ZFAND2A: variants seen among roughly 807,000 people sequenced by gnomAD.
The protein encoded by ZFAND2A is zinc finger AN1-type containing 2A.
In ZFAND2A, 20 loss-of-function variants were observed where a neutral mutation model predicts 11.6. The ratio of observed to expected loss-of-function variants is 1.72; its 90% CI spans 1.21 to 2.50. The LOEUF (loss-of-function observed/expected upper bound fraction) is 2.50, where lower values mean the gene tolerates loss of function less well. Ranked by LOEUF, ZFAND2A falls within the 30% of genes most tolerant of loss-of-function variation. The pLI is 0.00. For missense variants in ZFAND2A, 234 were observed against 182.9 expected (o/e 1.28, Z -1.61); for synonymous variants, 93 against 60.6 (o/e 1.54, Z -2.48).
chr7:1,154,062 G>A (rs1160617449), intron 4 of ZFAND2A, among the ~76,000 whole-genome samples: 1 of 152,160 alleles, frequency 6.6e-6, no homozygotes, highest in East Asian at 1.9e-4. Flanking sequence ...GGAGCGGGAG[G>A]GAAGGAGGCC....
chr7:1,158,683 G>A (rs1017112580), intron 1 of ZFAND2A, among the ~76,000 whole-genome samples: 7 of 145,512 alleles, frequency 4.8e-5, no homozygotes, highest in Non-Finnish European at 7.8e-5. Context: ...TCTGTCCCTC[G>A]CCTCTCTCTT....
At position 1,152,946 on chromosome 7, in the gene ZFAND2A, T is replaced by C; in HGVS notation, c.*123A>G. 7.4e-7 allele frequency: 1 copy of C among 1,350,704 alleles called. No individual in the cohort carries two copies. The highest frequency in any genetic ancestry group is 1.0e-6 in the Non-Finnish European group (1 of 962,470). The allele number at this position is 1,350,704 out of a possible 1,614,324, so 83.7% of individuals were successfully genotyped here. A position where few individuals can be genotyped will look rare whatever the true frequency, so the allele number is the denominator to read the frequency against. On this transcript the variant is annotated 3_prime_UTR_variant, in exon 5 of 5. Transcript: ENST00000316495. ...CAATTTTATTATAGTCCCATCTCCCTCAACAAACAAGATCAGCAGCCAGTG... is the reference window on the plus strand; with the variant it reads ...CAATTTTATTATAGTCCCATCTCCCCCAACAAACAAGATCAGCAGCCAGTG...
At chr7:1,159,430 G>A (rs969281438) in intron 1 of ZFAND2A, among the ~76,000 whole-genome samples, 10 of 152,158 alleles carry the variant, frequency 6.6e-5, no homozygotes, top group Admixed American at 5.9e-4. Context: ...CCGATGGCAG[G>A]CCCGGCCCCC....
downstream of ZFAND2A, among the ~76,000 whole-genome samples, chr7:1,152,656 G>C (rs1379489027): frequency 3.9e-5 from 6 of 152,236 alleles, no homozygotes; most frequent in South Asian, 1.2e-3. Flanking sequence ...TACAAAAAGG[G>C]GAAGTCGGGA....
At chr7:1,152,440 C>A, downstream of ZFAND2A, 1 of 1,397,494 alleles carries the variant, frequency 7.2e-7, no homozygotes, top group South Asian at 1.6e-5. Context: ...CTGGCCTGGC[C>A]CAGGGATGGA....
In ZFAND2A at chr7:1,158,270, C is replaced by A; in HGVS notation, c.-45-13G>T. On this transcript the variant is annotated splice_polypyrimidine_tract_variant and intron_variant, in intron 1 of 4. Transcript: ENST00000316495. ...AGTTAAGTGTCACCTACAAGAGAAT[C>A]AGAATAGTTAGGAGGAAAGCTGGAC... is the stretch of plus-strand genomic sequence containing the variant. 1 of 1,530,850 alleles carries A rather than the reference C, an allele frequency of 6.5e-7. No homozygotes were observed. Among genetic ancestry groups the A allele is most frequent in the South Asian group, 1.1e-5 (1 of 88,130 alleles). The allele number at this position is 1,530,850 out of a possible 1,614,324, so 94.8% of individuals were successfully genotyped here.
In ZFAND2A at chr7:1,160,186, G is replaced by C. The variant is rs865817396; in HGVS notation, c.-268C>G. ...TCCGCAGCCCCCGGATCTGAGAGCC[G>C]TCTGGGCCTTGGGGTTTCCGGGCGC... On this transcript the variant is annotated 5_prime_UTR_variant, in exon 1 of 5. Coordinates refer to ENST00000316495, the MANE Select transcript of ZFAND2A (RefSeq NM_182491.4). The C allele has an allele frequency of 6.6e-6, 1 of 152,228 alleles. No homozygotes were observed. The highest frequency in any genetic ancestry group is 1.5e-5 in the Non-Finnish European group (1 of 68,058). 9.4% of individuals were successfully genotyped at this position (152,228 alleles called of 1,614,324 possible). A position where few individuals can be genotyped will look rare whatever the true frequency, so the allele number is the denominator to read the frequency against.
chr7:1,155,337 T>C, intron 4 of ZFAND2A, 116 bp downstream of exon 4: 2 of 1,455,452 alleles, frequency 1.4e-6, no homozygotes, highest in East Asian at 4.8e-5. Context: ...GTTAGGACTC[T>C]TCTTTTCTAC....
downstream of ZFAND2A, among the ~76,000 whole-genome samples, chr7:1,149,887 C>T (rs1255074980): frequency 2.0e-5 from 3 of 146,826 alleles, no homozygotes; most frequent in Non-Finnish European, 4.5e-5. Context: ...GAGTCTTGCT[C>T]TATCACCCAG....
chr7:1,153,264 T>C, intron 4 of ZFAND2A, 40 bp from the exon 5 acceptor site: 4 of 1,599,236 alleles, frequency 2.5e-6, no homozygotes, highest in Non-Finnish European at 3.4e-6. Flanking sequence ...ATTCTTTTTT[T>C]GGAGACAGGG....
intron 3 of ZFAND2A, among the ~76,000 whole-genome samples, chr7:1,156,021 A>G (rs948899151): frequency 6.6e-6 from 1 of 152,236 alleles, no homozygotes; most frequent in Non-Finnish European, 1.5e-5. Context: ...TTGCGCCCAG[A>G]TGAGGCCACG....
At chr7:1,154,218 G>A (rs1366354070) in intron 4 of ZFAND2A, among the ~76,000 whole-genome samples, 2 of 149,502 alleles carry the variant, frequency 1.3e-5, no homozygotes, top group African/African-American at 2.5e-5. Flanking sequence ...CCAGGATGTA[G>A]GCAGCGATAT....
intron 3 of ZFAND2A, 54 bp downstream of exon 3, chr7:1,157,602 C>G: frequency 6.6e-7 from 1 of 1,508,486 alleles, no homozygotes; most frequent in Non-Finnish European, 9.0e-7. Flanking sequence ...ACCAGCAAGA[C>G]AGTGCAGCTT....
In ZFAND2A at chr7:1,153,057, C is replaced by A. The variant is rs200842466; in HGVS notation, c.*12G>T. 6.2e-7 allele frequency: 1 copy of A among 1,613,994 alleles called. No individual in the cohort carries two copies. The highest frequency in any genetic ancestry group is 8.5e-7 in the Non-Finnish European group (1 of 1,180,010). ...TACTGCGTGCTCCGAGCCATCGCAG[C>A]GGAGTCTCTTCTCACCCAGCTTTGA... On this transcript the variant is annotated 3_prime_UTR_variant, in exon 5 of 5. Coordinates refer to ENST00000316495, the MANE Select transcript of ZFAND2A (RefSeq NM_182491.4).
chr7:1,153,825 A>AATCCC (rs1219642573), intron 4 of ZFAND2A, among the ~76,000 whole-genome samples: 3 of 152,200 alleles, frequency 2.0e-5, no homozygotes, highest in Non-Finnish European at 4.4e-5. Flanking sequence ...TGGTGCCTGT[A>AATCCC]ATCCCAGCTA....
Position 1,159,570 on chromosome 7 carries a change from C to G in ZFAND2A, c.-46+394G>C, listed in dbSNP as rs192895410. Among the ~76,000 whole-genome samples the G allele has an allele frequency of 7.2e-5, 6 of 82,946 alleles. No individual in the cohort carries two copies. In the East Asian group the frequency reaches 1.5e-3, roughly 21 times the overall value. The allele number at this position is 82,946 out of a possible 152,430, so 54.4% of individuals were successfully genotyped here. On this transcript the variant is annotated intron_variant, in intron 1 of 4. Transcript: ENST00000316495. ...CAGGCCCGGTCCCCAGCAGACAGGC[C>G]GGACCCCCAACAGCCAGACCCCGGC... is the stretch of plus-strand genomic sequence containing the variant.
intron 3 of ZFAND2A, among the ~76,000 whole-genome samples, chr7:1,156,704 G>A (rs1358201756): frequency 6.6e-6 from 1 of 152,260 alleles, no homozygotes; most frequent in Non-Finnish European, 1.5e-5. Flanking sequence ...TGGAACGGGT[G>A]GCAGGTGCTC....
chr7:1,157,215 G>A (rs575147285), intron 3 of ZFAND2A: 2 of 153,320 alleles, frequency 1.3e-5, no homozygotes, highest in East Asian at 3.8e-4. Context: ...ACTATGTCAA[G>A]GCTGCAGTTA....
At chr7:1,154,304 C>T (rs1793470468) in intron 4 of ZFAND2A, among the ~76,000 whole-genome samples, 1 of 151,622 alleles carries the variant, frequency 6.6e-6, no homozygotes, top group Non-Finnish European at 1.5e-5. Flanking sequence ...CCGGGGGTGG[C>T]CCTCCGGCCA....
Sources: gnomAD v4.1 joint callset for allele counts (sites outside exome capture counted in the v4.1 genomes callset) on GRCh38, gnomAD v4.1.1 for gene constraint, MANE v1.5 for transcripts, NCBI Gene and HGNC (gene_info 2026-07-23, HGNC 2026-07-21) for gene names.